MCC: variants seen among roughly 807,000 people sequenced by gnomAD.
MCC encodes MCC regulator of Wnt signaling pathway, also known as colorectal mutant cancer protein.
Under a neutral mutation model 116.2 loss-of-function variants are expected in MCC, and 90 were observed. The observed-to-expected ratio is 0.77, with a 90% CI of 0.65 to 0.92. The LOEUF (loss-of-function observed/expected upper bound fraction) is 0.92, where lower values mean the gene tolerates loss of function less well. Among genes scored for constraint, MCC ranks in the 40% least tolerant of loss-of-function variants. The pLI is 0.00. For missense variants in MCC, 1,516 were observed against 1,312.2 expected, an observed-to-expected ratio of 1.16 and a Z score of -2.40; for synonymous variants, 578 against 510.5, an observed-to-expected ratio of 1.13 and a Z score of -1.78.
intron 2 of MCC, among the ~76,000 whole-genome samples, chr5:113,379,935 A>G (rs1022530507): frequency 2.6e-5 from 4 of 152,234 alleles, no homozygotes; most frequent in African/African-American, 9.6e-5. Flanking sequence ...CCATAAAGAA[A>G]ACTATAATCT....
chr5:113,133,626 T>C (rs1464563612), intron 5 of MCC, among the ~76,000 whole-genome samples: 2 of 152,224 alleles, frequency 1.3e-5, no homozygotes, highest in Non-Finnish European at 2.9e-5. Flanking sequence ...ATGTCTTTTC[T>C]TTTGGATATA....
At chr5:113,482,084 T>C (rs190305778) in intron 1 of MCC, among the ~76,000 whole-genome samples, 225 of 152,370 alleles carry the variant, frequency 1.5e-3, no homozygotes, top group Non-Finnish European at 2.4e-3. Context: ...TGTTATAGCA[T>C]GTATTAGTAC....
At chr5:113,383,138 T>C (rs1312041378) in intron 2 of MCC, among the ~76,000 whole-genome samples, 1 of 104,512 alleles carries the variant, frequency 9.6e-6, no homozygotes, top group African/African-American at 3.1e-5. Flanking sequence ...ACATAAACAA[T>C]TTTTTTTCAC....
At chr5:113,100,267 A>C in intron 8 of MCC, among the ~76,000 whole-genome samples, 1 of 152,174 alleles carries the variant, frequency 6.6e-6, no homozygotes, top group East Asian at 1.9e-4. Context: ...AGAGTTGATA[A>C]CATTCAAAAA....
chr5:113,254,035 G>A (rs927345235), intron 3 of MCC, among the ~76,000 whole-genome samples: 1 of 152,158 alleles, frequency 6.6e-6, no homozygotes, highest in African/African-American at 2.4e-5. Context: ...GCCCACAGGT[G>A]CTGAGCAGAA....
chr5:113,078,579 G>A (rs1208084724), intron 11 of MCC, among the ~76,000 whole-genome samples: 2 of 152,206 alleles, frequency 1.3e-5, no homozygotes, highest in Admixed American at 6.5e-5. Flanking sequence ...CTCAATAGAT[G>A]CAGAAAAGGC....
At chr5:113,359,015 C>T (rs1412486585) in intron 2 of MCC, among the ~76,000 whole-genome samples, 1 of 152,138 alleles carries the variant, frequency 6.6e-6, no homozygotes, top group South Asian at 2.1e-4. Flanking sequence ...GTCTATCTAT[C>T]CTTCTCCTAA....
intron 3 of MCC, chr5:113,294,269 G>C: frequency 5.0e-6 from 8 of 1,611,182 alleles, no homozygotes; most frequent in Non-Finnish European, 6.8e-6. Context: ...GAGGGGAGGG[G>C]GATTTGTGGA....
intron 14 of MCC, among the ~76,000 whole-genome samples, chr5:113,058,566 G>A (rs1182927095): frequency 2.6e-5 from 4 of 152,192 alleles, no homozygotes; most frequent in African/African-American, 9.7e-5. Context: ...GTGACTGGAT[G>A]CTCCTAGGTT....
At chr5:113,480,294 T>G (rs1260371353) in intron 1 of MCC, among the ~76,000 whole-genome samples, 1 of 152,250 alleles carries the variant, frequency 6.6e-6, no homozygotes, top group Admixed American at 6.5e-5. Flanking sequence ...TACATTTCAC[T>G]GATAACTTCA....
intron 5 of MCC, among the ~76,000 whole-genome samples, chr5:113,133,391 G>T (rs980924217): frequency 6.6e-5 from 10 of 152,038 alleles, no homozygotes; most frequent in African/African-American, 2.4e-4. Context: ...TGCGATATTT[G>T]TCTTTTTGTG....
At chr5:113,036,142 A>T (rs987437241) in intron 17 of MCC, among the ~76,000 whole-genome samples, 1 of 146,178 alleles carries the variant, frequency 6.8e-6, no homozygotes, top group African/African-American at 2.6e-5. Flanking sequence ...GGTTCAAGTG[A>T]TTCTCCTGCC....
chr5:113,367,640 A>AG (rs1483622345), intron 2 of MCC, among the ~76,000 whole-genome samples: 3 of 73,672 alleles, frequency 4.1e-5, no homozygotes, highest in Non-Finnish European at 5.4e-5. Flanking sequence ...GGGGGGGGGG[A>AG]AGAGAGAGAG....
chr5:113,112,831 A>G (rs1316153042), intron 6 of MCC, among the ~76,000 whole-genome samples: 1 of 152,242 alleles, frequency 6.6e-6, no homozygotes, highest in Non-Finnish European at 1.5e-5. Flanking sequence ...TTTATAAGCC[A>G]ACTTTTTAAA....
At chr5:113,262,282 C>A (rs550522389) in intron 3 of MCC, among the ~76,000 whole-genome samples, 71 of 152,130 alleles carry the variant, frequency 4.7e-4, no homozygotes, top group Non-Finnish European at 5.9e-4. Flanking sequence ...ATATCAGTGT[C>A]TGCTTTCAAC....
At chr5:113,196,862 G>C (rs1762437794) in intron 3 of MCC, among the ~76,000 whole-genome samples, 1 of 152,056 alleles carries the variant, frequency 6.6e-6, no homozygotes, top group Non-Finnish European at 1.5e-5. Flanking sequence ...TCAATCTGTG[G>C]GCAAACAGAA....
intron 3 of MCC, among the ~76,000 whole-genome samples, chr5:113,322,263 A>G (rs747834965): frequency 1.1e-4 from 16 of 152,248 alleles, no homozygotes; most frequent in Non-Finnish European, 5.9e-5. Flanking sequence ...GGGAAAGTCT[A>G]TAAGTAAATA....
chr5:113,294,464 C>T, intron 3 of MCC: 1 of 1,604,528 alleles, frequency 6.2e-7, no homozygotes, highest in Non-Finnish European at 8.5e-7. Context: ...TCAATATCCA[C>T]TGCTTGGTCC....
chr5:113,340,882 C>T (rs17326496), intron 2 of MCC, 152 bp from the exon 3 acceptor site: 105,208 of 642,938 alleles, frequency 0.16, 10,217 homozygotes, highest in Non-Finnish European at 0.19. Flanking sequence ...AGCGCTTTCT[C>T]TTTCAAACTG....
Sources: allele counts gnomAD v4.1 joint callset (sites outside exome capture counted in the v4.1 genomes callset), GRCh38; gene constraint gnomAD v4.1.1; transcripts MANE v1.5; gene names NCBI Gene and HGNC (gene_info 2026-07-23, HGNC 2026-07-21).